The following SVIL variants were observed in gnomAD, a reference collection of about 807,000 sequenced individuals.
SVIL encodes the protein supervillin.
SVIL carries 101 observed loss-of-function variants against 240.4 expected under a neutral mutation model. The ratio of observed to expected loss-of-function variants is 0.42; its 90% CI spans 0.36 to 0.50. SVIL has a LOEUF of 0.50. Ranked by LOEUF, SVIL falls within the 20% of genes least tolerant of loss-of-function variation. SVIL has a pLI of 0.01. For synonymous variants in SVIL, 999 were observed against 1,100.0 expected, an observed-to-expected ratio of 0.91 and a Z score of 1.82; for missense variants, 2,512 against 2,818.7, an observed-to-expected ratio of 0.89 and a Z score of 2.46.
At chr10:29,458,731 C>T in intron 36 of SVIL, 142 bp from the exon 37 acceptor site, 1 of 855,514 alleles carries the variant, frequency 1.2e-6, no homozygotes, top group Non-Finnish European at 1.7e-6. Context: ...GAGGAAATGG[C>T]TCTGAAAGAA....
intron 17 of SVIL, among the ~76,000 whole-genome samples, chr10:29,502,000 GT>G (rs2132443958): frequency 6.6e-6 from 1 of 152,234 alleles, no homozygotes; most frequent in African/African-American, 2.4e-5. Context: ...CCAAAATTTC[GT>G]TTTTCAAAGC....
At chr10:29,459,663 G>A (rs1944002064) in intron 36 of SVIL, among the ~76,000 whole-genome samples, 1 of 152,108 alleles carries the variant, frequency 6.6e-6, no homozygotes, top group South Asian at 2.1e-4. Flanking sequence ...AAACTATTCT[G>A]GGTAAATTCT....
chr10:29,566,592 G>A (rs1472843527), intron 2 of SVIL, among the ~76,000 whole-genome samples: 2 of 152,166 alleles, frequency 1.3e-5, no homozygotes, highest in Admixed American at 6.5e-5. Context: ...CGAGGGCACC[G>A]ATCATCAATG....
chr10:29,500,013 G>T (rs1948750101), intron 17 of SVIL, among the ~76,000 whole-genome samples: 2 of 152,160 alleles, frequency 1.3e-5, no homozygotes, highest in African/African-American at 4.8e-5. Flanking sequence ...TGCTCATTAG[G>T]CTTGCGGTTG....
At chr10:29,565,627 C>T (rs1231049267) in intron 2 of SVIL, among the ~76,000 whole-genome samples, 1 of 152,070 alleles carries the variant, frequency 6.6e-6, no homozygotes, top group African/African-American at 2.4e-5. Context: ...TATTACACAC[C>T]TCGTTAACCC....
At chr10:29,600,600 C>T (rs1724237650) in intron 1 of SVIL, among the ~76,000 whole-genome samples, 1 of 152,194 alleles carries the variant, frequency 6.6e-6, no homozygotes, top group Admixed American at 6.5e-5. Context: ...TAAACAGCAG[C>T]ATCATTTACA....
chr10:29,571,960 T>A (rs535694183), intron 1 of SVIL, among the ~76,000 whole-genome samples: 1 of 152,306 alleles, frequency 6.6e-6, no homozygotes, highest in East Asian at 1.9e-4. Context: ...TTACTCTTTG[T>A]ATCTTTAGTT....
In SVIL at chr10:29,627,597, C is replaced by T. The variant is rs201086739; in HGVS notation, c.-201+6823G>A. Reference sequence around the variant, plus strand: ...CTGTTATGGCCCCTACATCACTTTGCTCTGCTGTGTTCTCCACGCCACGTG... The same window carrying T: ...CTGTTATGGCCCCTACATCACTTTGTTCTGCTGTGTTCTCCACGCCACGTG... On this transcript the variant is annotated intron_variant, in intron 1 of 37. Coordinates refer to ENST00000355867, the MANE Select transcript of SVIL (RefSeq NM_021738.3). Among the ~76,000 whole-genome samples, 18 of 152,254 alleles carry T rather than the reference C, an allele frequency of 1.2e-4. No individual in the cohort carries two copies. In the East Asian group the frequency reaches 3.3e-3, roughly 28 times the overall value.
intron 3 of SVIL, among the ~76,000 whole-genome samples, chr10:29,646,859 C>T (rs1316519053): frequency 3.9e-5 from 6 of 152,102 alleles, no homozygotes; most frequent in Admixed American, 6.6e-5. Flanking sequence ...GTAGCAATGC[C>T]GTATTCTCAG....
At chr10:29,563,630 C>G (rs1404366454) in intron 2 of SVIL, among the ~76,000 whole-genome samples, 7 of 152,158 alleles carry the variant, frequency 4.6e-5, no homozygotes, top group Middle Eastern at 3.2e-3. Flanking sequence ...GCATTAATTA[C>G]TCAACCTCTC....
chr10:29,611,931 T>C (rs1957260012), intron 1 of SVIL, among the ~76,000 whole-genome samples: 2 of 152,128 alleles, frequency 1.3e-5, no homozygotes. Context: ...TTCCATGGAC[T>C]TTACGCTCCA....
intron 16 of SVIL, among the ~76,000 whole-genome samples, chr10:29,521,255 AAAAG>A (rs1950546161): frequency 6.6e-6 from 1 of 150,846 alleles, no homozygotes; most frequent in Non-Finnish European, 1.5e-5. Context: ...GGAAAGAAGG[AAAAG>A]AAAGAAAGAA....
chr10:29,643,882 C>A, intron 3 of SVIL: 1 of 445,980 alleles, frequency 2.2e-6, no homozygotes, highest in Non-Finnish European at 4.5e-6. Flanking sequence ...GAACTGCTGG[C>A]CTCGTGGTCA....
chr10:29,578,708 G>T (rs1046853833), intron 1 of SVIL, among the ~76,000 whole-genome samples: 1 of 152,166 alleles, frequency 6.6e-6, no homozygotes, highest in Non-Finnish European at 1.5e-5. Flanking sequence ...GCACACTTCC[G>T]GGTGCATTTC....
At chr10:29,670,071 C>T (rs1175585179) in intron 2 of SVIL, among the ~76,000 whole-genome samples, 2 of 151,594 alleles carry the variant, frequency 1.3e-5, no homozygotes, top group African/African-American at 2.4e-5. Context: ...GCCATGATTG[C>T]ACCACTGCAC....
At chr10:29,695,534 T>G (rs1393812131) in intron 1 of SVIL, among the ~76,000 whole-genome samples, 1 of 151,982 alleles carries the variant, frequency 6.6e-6, no homozygotes, top group Middle Eastern at 3.2e-3. Flanking sequence ...TCACCTGAGG[T>G]CAGGAGTTTC....
chr10:29,512,211 G>A (rs1949887971), intron 17 of SVIL, among the ~76,000 whole-genome samples: 1 of 152,130 alleles, frequency 6.6e-6, no homozygotes, highest in African/African-American at 2.4e-5. Context: ...ACCTAATTTT[G>A]TTTCAACTTA....
At chr10:29,552,562 CAA>C (rs3031442) in intron 5 of SVIL, among the ~76,000 whole-genome samples, 23 of 82,392 alleles carry the variant, frequency 2.8e-4, no homozygotes, top group African/African-American at 3.6e-4. Context: ...GACTCTGTCT[CAA>C]AAAAAAAAAA....
Position 29,707,984 on chromosome 10 carries a change from G to A in SVIL, c.-399-21333C>T, listed in dbSNP as rs183233368. On this transcript the variant is annotated intron_variant, in intron 1 of 35. Coordinates refer to the SVIL transcript ENST00000375400. Reference sequence around the variant, plus strand: ...TTTAAAAAAAATGTACAGGCCATGCGCGGTGGCTCACGCCTGTAATCCCAG... The same window carrying A: ...TTTAAAAAAAATGTACAGGCCATGCACGGTGGCTCACGCCTGTAATCCCAG... Among the ~76,000 whole-genome samples the A allele has an allele frequency of 1.8e-3, 267 of 152,296 alleles. 1 individual carries two copies. Among genetic ancestry groups the A allele is most frequent in the African/African-American group, 5.5e-3 (227 of 41,584 alleles).
Sources: gnomAD v4.1 joint callset for allele counts (sites outside exome capture counted in the v4.1 genomes callset) on GRCh38, gnomAD v4.1.1 for gene constraint, MANE v1.5 for transcripts, NCBI Gene and HGNC (gene_info 2026-07-23, HGNC 2026-07-21) for gene names.